The following NPNT variants were observed in gnomAD, a reference collection of about 807,000 sequenced individuals.
NPNT encodes nephronectin, also known as preosteoblast EGF-like repeat protein with MAM domain.
In NPNT, 45 loss-of-function variants were observed where a neutral mutation model predicts 68.6. That is an observed-to-expected ratio of 0.66 (90% CI 0.52 to 0.84). The LOEUF (loss-of-function observed/expected upper bound fraction) is 0.84, where lower values mean the gene tolerates loss of function less well. NPNT is among the 40% of genes least tolerant of loss of function. The pLI is 0.00. For missense variants in NPNT, 672 were observed against 714.8 expected (o/e 0.94, Z 0.68); for synonymous variants, 233 against 253.3 (o/e 0.92, Z 0.76).
chr4:105,901,180 G>T (rs767276498), intron 2 of NPNT, among the ~76,000 whole-genome samples: 15 of 152,116 alleles, frequency 9.9e-5, no homozygotes, highest in African/African-American at 2.7e-4. Flanking sequence ...TTTCAGGGTT[G>T]CATATTTCAT....
Position 105,971,112 on chromosome 4 carries a change from A to G in NPNT, c.*2122A>G. The G allele has an allele frequency of 4.6e-6, 2 of 438,502 alleles. No individual in the cohort carries two copies. The highest frequency in any genetic ancestry group is 9.2e-6 in the Non-Finnish European group (2 of 218,282). 27.2% of individuals were successfully genotyped at this position (438,502 alleles called of 1,614,324 possible). On this transcript the variant is annotated 3_prime_UTR_variant, in exon 12 of 12. Transcript: ENST00000379987. Reference sequence around the variant, plus strand: ...GATGTTTCAGATTTTTTTTTTTTTAAGAGATCCTTCAAGGAACACAGTTCA... The same window carrying G: ...GATGTTTCAGATTTTTTTTTTTTTAGGAGATCCTTCAAGGAACACAGTTCA...
chr4:105,950,985 AGT>A (rs1215339445), intron 8 of NPNT, among the ~76,000 whole-genome samples: 3 of 152,162 alleles, frequency 2.0e-5, no homozygotes, highest in Non-Finnish European at 2.9e-5. Context: ...AGACTGACTG[AGT>A]GTGTCTGGAG....
chr4:105,911,955 CATA>C, intron 2 of NPNT: 1 of 490,264 alleles, frequency 2.0e-6, no homozygotes, highest in South Asian at 2.4e-5. Context: ...AGAAGAATAG[CATA>C]ACTTCAATTA....
Position 105,971,200 on chromosome 4 carries a change from GAA to G in NPNT, c.*2212_*2213del, listed in dbSNP as rs1241384263. On this transcript the variant is annotated 3_prime_UTR_variant, in exon 12 of 12. Coordinates refer to ENST00000379987, the MANE Select transcript of NPNT (RefSeq NM_001033047.3). ...TGTGACAAGTTATCTTGGCTGCTGA[GAA>G]AGAGTGCCCTGCCCCACACCGGCAG... The G allele has an allele frequency of 2.2e-6, 1 of 455,282 alleles. No individual in the cohort carries two copies. Among genetic ancestry groups the G allele is most frequent in the Non-Finnish European group, 4.4e-6 (1 of 226,112 alleles). 28.2% of individuals were successfully genotyped at this position (455,282 alleles called of 1,614,324 possible). A position where few individuals can be genotyped will look rare whatever the true frequency, so the allele number is the denominator to read the frequency against.
Position 105,905,855 on chromosome 4 carries a change from G to A in NPNT, c.172+7854G>A, listed in dbSNP as rs529315410. ...CTACAAATTTTCTTATGTTTAATCT[G>A]TAATGTAAAGGAGAGTAAATCATGG... is the stretch of plus-strand genomic sequence containing the variant. On this transcript the variant is annotated intron_variant, in intron 2 of 11. Coordinates refer to ENST00000379987, the MANE Select transcript of NPNT (RefSeq NM_001033047.3). Among the ~76,000 whole-genome samples the A allele has an allele frequency of 2.6e-5, 4 of 152,232 alleles. No homozygotes were observed. In the South Asian group the frequency reaches 8.3e-4, roughly 32 times the overall value.
chr4:105,946,615 G>A (rs1030718043), intron 8 of NPNT, among the ~76,000 whole-genome samples: 1 of 152,086 alleles, frequency 6.6e-6, no homozygotes, highest in African/African-American at 2.4e-5. Flanking sequence ...TGCAAAACCA[G>A]CAAGTTTTAT....
At chr4:105,917,445 A>T (rs550602720) in intron 2 of NPNT, among the ~76,000 whole-genome samples, 1 of 151,482 alleles carries the variant, frequency 6.6e-6, no homozygotes, top group Non-Finnish European at 1.5e-5. Context: ...TACACCTGTC[A>T]TGTCTATCTT....
At chr4:105,900,417 A>G (rs1343369067) in intron 2 of NPNT, among the ~76,000 whole-genome samples, 1 of 152,190 alleles carries the variant, frequency 6.6e-6, no homozygotes, top group Admixed American at 6.5e-5. Context: ...GTGAGTGTTT[A>G]TTCCGTTTGG....
At chr4:105,907,804 CT>C (rs1459449171) in intron 2 of NPNT, among the ~76,000 whole-genome samples, 3 of 152,086 alleles carry the variant, frequency 2.0e-5, no homozygotes, top group Admixed American at 6.5e-5. Context: ...ACTAAAACTT[CT>C]TTTTAAGTTT....
Position 105,970,822 on chromosome 4 carries a change from T to C in NPNT, c.*1832T>C. The C allele has an allele frequency of 3.2e-6, 1 of 314,760 alleles. No individual in the cohort carries two copies. Among genetic ancestry groups the C allele is most frequent in the South Asian group, 2.8e-5 (1 of 35,964 alleles). The allele number at this position is 314,760 out of a possible 1,614,324, so 19.5% of individuals were successfully genotyped here. A position where few individuals can be genotyped will look rare whatever the true frequency, so the allele number is the denominator to read the frequency against. ...GTGAAAATCTTTAGAACTAAATAAT[T>C]TGGACAAGGCTTAATTTAGGCATTT... On this transcript the variant is annotated 3_prime_UTR_variant, in exon 12 of 12. Transcript: ENST00000379987.
chr4:105,941,853 A>G (rs1729979739), intron 7 of NPNT, among the ~76,000 whole-genome samples: 1 of 152,164 alleles, frequency 6.6e-6, no homozygotes, highest in Non-Finnish European at 1.5e-5. Context: ...TCTTTAGACA[A>G]TTCTGAACAC....
chr4:105,957,946 C>T (rs910505835), intron 8 of NPNT, among the ~76,000 whole-genome samples: 3 of 152,044 alleles, frequency 2.0e-5, no homozygotes, highest in African/African-American at 7.2e-5. Flanking sequence ...CTTAAAGGAG[C>T]CAGGGAAACT....
intron 10 of NPNT, among the ~76,000 whole-genome samples, chr4:105,964,545 T>C (rs934859664): frequency 6.6e-6 from 1 of 152,224 alleles, no homozygotes; most frequent in Admixed American, 6.5e-5. Flanking sequence ...CAATATATTA[T>C]AAAAGTATTT....
rs28453940 is a variant in NPNT at position 105,959,356 on chromosome 4, A to G, written c.1345+230A>G. Among the ~76,000 whole-genome samples the G allele has an allele frequency of 0.087, 13,207 of 152,206 alleles. 714 individuals carry two copies. Among genetic ancestry groups the G allele is most frequent in the African/African-American group, 0.15 (6,230 of 41,498 alleles). On this transcript the variant is annotated intron_variant, in intron 10 of 11. Transcript: ENST00000379987. Reference sequence around the variant, plus strand: ...AGACAAGTAGTTAATTAAAAGGTCAACTAATTTCTCTCAAAAAGCTTGATA... The same window carrying G: ...AGACAAGTAGTTAATTAAAAGGTCAGCTAATTTCTCTCAAAAAGCTTGATA...
At chr4:105,951,659 G>T (rs922285829) in intron 8 of NPNT, among the ~76,000 whole-genome samples, 2 of 152,184 alleles carry the variant, frequency 1.3e-5, no homozygotes, top group Admixed American at 6.5e-5. Context: ...TTTTGAAGGA[G>T]CGAATTGTCA....
intron 3 of NPNT, among the ~76,000 whole-genome samples, chr4:105,931,579 C>T (rs1464384798): frequency 6.7e-6 from 1 of 150,278 alleles, no homozygotes; most frequent in African/African-American, 2.5e-5. Flanking sequence ...AATCCCAGCA[C>T]TTTGGAAGGC....
intron 3 of NPNT, among the ~76,000 whole-genome samples, chr4:105,936,041 A>G (rs1729466566): frequency 6.6e-6 from 1 of 152,182 alleles, no homozygotes; most frequent in African/African-American, 2.4e-5. Flanking sequence ...AATGAAGCAT[A>G]TATTTTGGGC....
Position 105,938,399 on chromosome 4 carries a change from C to T in NPNT, c.484C>T (p.Pro162Ser), listed in dbSNP as rs754036065. 2 of 1,613,422 alleles carry T rather than the reference C, an allele frequency of 1.2e-6. No homozygotes were observed. Among genetic ancestry groups the T allele is most frequent in the East Asian group, 4.5e-5 (2 of 44,876 alleles). Residue 162 changes from proline to serine, a missense_variant, in exon 5 of 12, where the codon CCT (proline) becomes TCT (serine). Coordinates refer to ENST00000379987, the MANE Select transcript of NPNT (RefSeq NM_001033047.3). ...QCPSPGLQLA[P>S]DGRTCVDVDE... is the part of the protein sequence containing the mutation. ...CCCATCCCCTGGCCTGCAGCTGGCT[C>T]CTGATGGGAGGACCTGTGTAGGTGA...
chr4:105,933,352 C>A (rs1414365716), intron 3 of NPNT, among the ~76,000 whole-genome samples: 2 of 152,150 alleles, frequency 1.3e-5, no homozygotes, highest in Admixed American at 1.3e-4. Flanking sequence ...AATGTGGTAG[C>A]ATAATTTTAC....
Sources: allele counts gnomAD v4.1 joint callset (sites outside exome capture counted in the v4.1 genomes callset), GRCh38; gene constraint gnomAD v4.1.1; transcripts MANE v1.5; gene names NCBI Gene and HGNC (gene_info 2026-07-23, HGNC 2026-07-21).